The following CHRNA7 variants were observed in gnomAD, a reference collection of about 807,000 sequenced individuals.
The protein encoded by CHRNA7 is cholinergic receptor nicotinic alpha 7 subunit, also known as neuronal acetylcholine receptor subunit alpha-7.
In CHRNA7, 17 loss-of-function variants were observed where a neutral mutation model predicts 48.0. The observed-to-expected ratio is 0.35, with a 90% CI of 0.24 to 0.53. The LOEUF (loss-of-function observed/expected upper bound fraction) is 0.53. Ranked by LOEUF, CHRNA7 falls within the 20% of genes least tolerant of loss-of-function variation. The probability of loss-of-function intolerance (pLI) is 0.92; values close to 1 mark genes in which losing one functional copy is unlikely to be tolerated. For missense variants in CHRNA7, 155 were observed against 577.7 expected, an observed-to-expected ratio of 0.27 and a Z score of 7.50; for synonymous variants, 75 against 242.3, an observed-to-expected ratio of 0.31 and a Z score of 6.41.
chr15:32,086,976 C>G (rs1032033010), intron 2 of CHRNA7, among the ~76,000 whole-genome samples: 1 of 152,016 alleles, frequency 6.6e-6, no homozygotes, highest in Admixed American at 6.5e-5. Flanking sequence ...ACTCTTTTTC[C>G]CCTATTTATA....
chr15:32,054,920 G>A (rs115797013), intron 2 of CHRNA7, among the ~76,000 whole-genome samples: 2,120 of 152,314 alleles, frequency 0.014, 42 homozygotes, highest in African/African-American at 0.049. Flanking sequence ...GTAGATTGGC[G>A]GGGCCATAGG....
intron 2 of CHRNA7, among the ~76,000 whole-genome samples, chr15:32,035,114 C>A (rs910831272): frequency 6.6e-6 from 1 of 152,326 alleles, no homozygotes; most frequent in South Asian, 2.1e-4. Context: ...CTAAATTATT[C>A]TTATATGCAC....
intron 4 of CHRNA7, among the ~76,000 whole-genome samples, chr15:32,136,867 T>TA (rs67884580): frequency 0.57 from 82,172 of 144,656 alleles, 23,861 homozygotes; most frequent in African/African-American, 0.72. Context: ...CCGTCTCTAC[T>TA]AAAAATACAA....
At chr15:32,041,257 A>G (rs2049443150) in intron 2 of CHRNA7, among the ~76,000 whole-genome samples, 1 of 151,964 alleles carries the variant, frequency 6.6e-6, no homozygotes, top group Non-Finnish European at 1.5e-5. Context: ...TCCTTTCTCT[A>G]CTTCAACAGT....
intron 2 of CHRNA7, among the ~76,000 whole-genome samples, chr15:32,078,157 T>A (rs565150477): frequency 6.6e-6 from 1 of 152,358 alleles, no homozygotes; most frequent in South Asian, 2.1e-4. Flanking sequence ...AATTACTTTC[T>A]CCCATTCTGT....
At chr15:32,071,680 C>T (rs1264995122) in intron 2 of CHRNA7, among the ~76,000 whole-genome samples, 2 of 152,134 alleles carry the variant, frequency 1.3e-5, no homozygotes, top group African/African-American at 2.4e-5. Context: ...ACCTCCTCCT[C>T]TCTCTCTTGC....
In CHRNA7 at chr15:32,168,309, G is replaced by GA; in HGVS notation, c.1361dup (p.Ala455GlyfsTer134). ...CCGCTTCCGCTGCCAGGACGAAAGC[G>GA]AGGCGGTCTGCAGCGAGTGGAAGTT... On this transcript the variant is annotated frameshift_variant, in exon 10 of 10. Transcript: ENST00000306901. LOFTEE classifies it high-confidence loss of function. The GA allele has an allele frequency of 3.0e-6, 4 of 1,342,718 alleles. No individual in the cohort carries two copies. The highest frequency in any genetic ancestry group is 2.0e-6 in the Non-Finnish European group (2 of 998,058). The allele number at this position is 1,342,718 out of a possible 1,614,324, so 83.2% of individuals were successfully genotyped here.
chr15:32,058,527 G>A (rs1198248309), intron 2 of CHRNA7, among the ~76,000 whole-genome samples: 1 of 152,194 alleles, frequency 6.6e-6, no homozygotes, highest in African/African-American at 2.4e-5. Flanking sequence ...GGTGTCACTT[G>A]GAAAGTGTAC....
intron 2 of CHRNA7, among the ~76,000 whole-genome samples, chr15:32,042,506 G>A (rs1164901470): frequency 6.6e-6 from 1 of 152,134 alleles, no homozygotes; most frequent in Non-Finnish European, 1.5e-5. Flanking sequence ...GCTTCTGGAG[G>A]TAAATCTCAT....
chr15:32,134,967 A>G (rs1471897742), intron 4 of CHRNA7, among the ~76,000 whole-genome samples: 1 of 152,254 alleles, frequency 6.6e-6, no homozygotes, highest in Non-Finnish European at 1.5e-5. Flanking sequence ...AATAATATCC[A>G]ACACTTCTGT....
chr15:32,042,740 G>A lies in CHRNA7; in HGVS notation c.195+11703G>A, dbSNP rs115080591. ...TTGAGAGCAGAAGTTCATCCTGTGTGTTCCCCTCTTAGTTGGGCTCCAAGA... is the reference window on the plus strand; with the variant it reads ...TTGAGAGCAGAAGTTCATCCTGTGTATTCCCCTCTTAGTTGGGCTCCAAGA... On this transcript the variant is annotated intron_variant, in intron 2 of 9. Transcript: ENST00000306901. Among the ~76,000 whole-genome samples, 1,041 of 152,266 alleles carry A rather than the reference G, an allele frequency of 6.8e-3. 20 individuals carry two copies. The highest frequency in any genetic ancestry group is 0.024 in the African/African-American group (994 of 41,542).
rs774489176 is a variant in CHRNA7 at position 32,030,939 on chromosome 15, C to T, written c.97C>T (p.Leu33=). Residue 33 remains leucine, a synonymous_variant, in exon 2 of 10, where the codon CTG becomes TTG. Transcript: ENST00000306901. ...GEFQRKLYKE[L]VKNYNPLERP... ...GTTCCAGAGGAAGCTTTACAAGGAG[C>T]TGGTCAAGAACTACAATCCCTTGGA... 6.8e-5 allele frequency: 110 copies of T among 1,614,090 alleles called. No homozygotes were observed. The highest frequency in any genetic ancestry group is 9.2e-5 in the Non-Finnish European group (109 of 1,180,028).
At chr15:32,106,956 C>A (rs532739408) in intron 3 of CHRNA7, among the ~76,000 whole-genome samples, 1 of 152,240 alleles carries the variant, frequency 6.6e-6, no homozygotes, top group Admixed American at 6.5e-5. Flanking sequence ...ACAGACAAGC[C>A]GGCTAGTGGC....
intron 4 of CHRNA7, among the ~76,000 whole-genome samples, chr15:32,125,530 G>A (rs1347647713): frequency 9.3e-6 from 1 of 108,090 alleles, no homozygotes; most frequent in African/African-American, 4.3e-5. Flanking sequence ...GAGACGCTCC[G>A]CTGCAGTCTT....
intron 2 of CHRNA7, among the ~76,000 whole-genome samples, chr15:32,063,504 C>T (rs891547745): frequency 1.3e-5 from 2 of 152,286 alleles, no homozygotes; most frequent in Admixed American, 1.3e-4. Flanking sequence ...ACCAGCAGTG[C>T]CATCCTCTTC....
chr15:32,125,226 C>A lies in CHRNA7; in HGVS notation c.350+13327C>A, dbSNP rs569975978. On this transcript the variant is annotated intron_variant, in intron 4 of 9. Transcript: ENST00000306901. Reference sequence around the variant, plus strand: ...AGCTGAGCTAGGTGTGAGTGAAGAACAGTGAAGTGAAATGGAAAGAACAGA... The same window carrying A: ...AGCTGAGCTAGGTGTGAGTGAAGAAAAGTGAAGTGAAATGGAAAGAACAGA... Among the ~76,000 whole-genome samples, 146 of 152,280 alleles carry A rather than the reference C, an allele frequency of 9.6e-4. 1 individual carries two copies. The highest frequency in any genetic ancestry group is 1.5e-3 in the Non-Finnish European group (102 of 68,026).
chr15:32,119,220 T>C (rs1476243061), intron 4 of CHRNA7, among the ~76,000 whole-genome samples: 2 of 152,224 alleles, frequency 1.3e-5, no homozygotes, highest in Non-Finnish European at 2.9e-5. Flanking sequence ...ATTCCCCTGT[T>C]GACAGATTCA....
intron 3 of CHRNA7, 177 bp from the exon 4 acceptor site, chr15:32,111,613 C>T: frequency 1.8e-6 from 1 of 560,442 alleles, no homozygotes; most frequent in Non-Finnish European, 3.2e-6. Flanking sequence ...TTATGCTCTT[C>T]ACAGTCATTT....
chr15:32,092,336 C>G (rs183553373), intron 2 of CHRNA7, among the ~76,000 whole-genome samples: 1 of 152,068 alleles, frequency 6.6e-6, no homozygotes, highest in Non-Finnish European at 1.5e-5. Flanking sequence ...TAATTTGATC[C>G]AAGACTTATA....
Sources: allele counts gnomAD v4.1 joint callset (sites outside exome capture counted in the v4.1 genomes callset), GRCh38; gene constraint gnomAD v4.1.1; transcripts MANE v1.5; gene names NCBI Gene and HGNC (gene_info 2026-07-23, HGNC 2026-07-21).